The following PATJ variants were observed in gnomAD, a reference collection of about 807,000 sequenced individuals.
PATJ encodes inaD-like protein.
Under a neutral mutation model 224.9 loss-of-function variants are expected in PATJ, and 190 were observed. That is an observed-to-expected ratio of 0.84 (90% CI 0.75 to 0.95). The LOEUF is 0.95. PATJ is among the 40% of genes least tolerant of loss of function. PATJ has a pLI of 0.00. For missense variants in PATJ, 2,121 were observed against 2,270.3 expected, an observed-to-expected ratio of 0.93 and a Z score of 1.34; for synonymous variants, 769 against 820.3, an observed-to-expected ratio of 0.94 and a Z score of 1.07.
chr1:62,116,992 C>T (rs1664508651), intron 36 of PATJ, 140 bp from the exon 37 acceptor site: 1 of 682,376 alleles, frequency 1.5e-6, no homozygotes, highest in Non-Finnish European at 2.4e-6. Flanking sequence ...CCACAGAATT[C>T]ATCCTCCTCT....
chr1:62,037,168 G>A (rs140040250), intron 29 of PATJ, among the ~76,000 whole-genome samples: 46 of 152,214 alleles, frequency 3.0e-4, no homozygotes, highest in African/African-American at 1.1e-3. Flanking sequence ...AGCTTCCTTG[G>A]TTTATATTGT....
chr1:61,830,921 A>G (rs1415545049), intron 16 of PATJ, among the ~76,000 whole-genome samples: 1 of 151,922 alleles, frequency 6.6e-6, no homozygotes, highest in Non-Finnish European at 1.5e-5. Flanking sequence ...GGGCATGGTG[A>G]CTCACGCCTG....
chr1:62,056,904 G>GCAA (rs977957583), intron 31 of PATJ, among the ~76,000 whole-genome samples: 9 of 152,148 alleles, frequency 5.9e-5, no homozygotes, highest in African/African-American at 2.2e-4. Context: ...TCCCTGCTCT[G>GCAA]CAACCTCCAC....
intron 30 of PATJ, among the ~76,000 whole-genome samples, chr1:62,047,888 A>G (rs561109780): frequency 1.3e-4 from 20 of 152,332 alleles, no homozygotes; most frequent in South Asian, 6.2e-4. Context: ...ATCCTAAGAC[A>G]TGTTTTAGAA....
intron 31 of PATJ, among the ~76,000 whole-genome samples, chr1:62,076,838 C>T (rs914286762): frequency 1.3e-5 from 2 of 152,084 alleles, no homozygotes; most frequent in Admixed American, 1.3e-4. Flanking sequence ...CATGTTCTTT[C>T]TTGAGGTGAT....
intron 39 of PATJ, among the ~76,000 whole-genome samples, chr1:62,123,775 C>T (rs1308687869): frequency 8.2e-6 from 1 of 122,538 alleles, no homozygotes; most frequent in African/African-American, 3.4e-5. Flanking sequence ...CCGTGCCCGG[C>T]CAAATGTGCT....
At chr1:61,774,419 A>G (rs1646804588) in intron 6 of PATJ, among the ~76,000 whole-genome samples, 1 of 152,158 alleles carries the variant, frequency 6.6e-6, no homozygotes, top group African/African-American at 2.4e-5. Context: ...GTTAGAGGGG[A>G]AACACTTATG....
At chr1:61,788,084 C>A in intron 8 of PATJ, 112 bp downstream of exon 8, 2 of 714,848 alleles carry the variant, frequency 2.8e-6, no homozygotes, top group Non-Finnish European at 2.1e-6. Context: ...TGTGCGCTCA[C>A]TAGTGAAACA....
chr1:61,809,880 C>G (rs1031892817), intron 14 of PATJ, among the ~76,000 whole-genome samples: 2 of 134,514 alleles, frequency 1.5e-5, no homozygotes, highest in Non-Finnish European at 3.2e-5. Flanking sequence ...GAGTCTTGCT[C>G]TGTCGCCCAG....
At chr1:61,937,991 G>A (rs1677155645) in intron 27 of PATJ, among the ~76,000 whole-genome samples, 1 of 152,032 alleles carries the variant, frequency 6.6e-6, no homozygotes, top group Admixed American at 6.6e-5. Context: ...CTTCTAAACT[G>A]GTGCTTTTCA....
Position 61,773,977 on chromosome 1 carries a change from G to A in PATJ, c.721-1229G>A, listed in dbSNP as rs566097469. Among the ~76,000 whole-genome samples, 13 of 151,620 alleles carry A rather than the reference G, an allele frequency of 8.6e-5. No individual in the cohort carries two copies. In the South Asian group the frequency reaches 1.0e-3, roughly 12 times the overall value. ...CTACTAAAAATACAAAAAATTAGCC[G>A]GGCGTGGTGGCAGGTACCTGTAGTC... is the stretch of plus-strand genomic sequence containing the variant. On this transcript the variant is annotated intron_variant, in intron 6 of 43. Coordinates refer to ENST00000642238, the MANE Select transcript of PATJ (RefSeq NM_001350145.3).
chr1:62,060,648 C>T (rs183051840), intron 31 of PATJ, among the ~76,000 whole-genome samples: 3 of 151,900 alleles, frequency 2.0e-5, no homozygotes, highest in African/African-American at 4.8e-5. Context: ...GAGTGAGGAT[C>T]GTATTAGATA....
At chr1:61,953,306 A>C (rs562581932) in intron 27 of PATJ, among the ~76,000 whole-genome samples, 1 of 152,202 alleles carries the variant, frequency 6.6e-6, no homozygotes, top group Non-Finnish European at 1.5e-5. Flanking sequence ...ATGACATTAT[A>C]GCCTTTCTTT....
chr1:61,995,813 C>T (rs570945650), intron 28 of PATJ, among the ~76,000 whole-genome samples: 7 of 152,218 alleles, frequency 4.6e-5, no homozygotes, highest in South Asian at 2.1e-4. Context: ...CAATTAGTCC[C>T]GGAAAATGCA....
chr1:61,962,063 T>G (rs1681391820), intron 27 of PATJ, among the ~76,000 whole-genome samples: 1 of 152,192 alleles, frequency 6.6e-6, no homozygotes, highest in African/African-American at 2.4e-5. Context: ...ATACCATCTA[T>G]TCTTACTGGG....
intron 17 of PATJ, 29 bp from the exon 18 acceptor site, chr1:61,856,001 C>T: frequency 4.5e-6 from 7 of 1,548,310 alleles, no homozygotes; most frequent in Non-Finnish European, 5.4e-6. Context: ...AGTGCATGGA[C>T]TCATCCTTCT....
At chr1:61,881,923 A>G (rs2149062449) in intron 21 of PATJ, among the ~76,000 whole-genome samples, 1 of 152,334 alleles carries the variant, frequency 6.6e-6, no homozygotes, top group Admixed American at 6.5e-5. Context: ...TAACCATAAC[A>G]TTAGCTGTAG....
In PATJ at chr1:61,797,338, T is replaced by C. The variant is rs536374590; in HGVS notation, c.1312T>C (p.Leu438=). ...GFANHDVVEV[L]RNAGQVVHLT... The stretch of plus-strand genomic sequence containing the variant: ...TGCCAACCATGATGTTGTTGAAGTA[T>C]TACGAAATGCAGGGCAGGTGGTACA... Residue 438 remains leucine (L), a synonymous_variant, in exon 11 of 44, where the codon TTA becomes CTA. Transcript: ENST00000642238. The C allele has an allele frequency of 5.0e-6, 8 of 1,614,038 alleles. No individual in the cohort carries two copies. The African/African-American group carries it at 9.3e-5, about 19-fold the overall frequency.
Position 61,928,303 on chromosome 1 carries a change from A to G in PATJ, c.3670+474A>G, listed in dbSNP as rs531037712. Among the ~76,000 whole-genome samples, 3 of 152,308 alleles carry G rather than the reference A, an allele frequency of 2.0e-5. No individual in the cohort carries two copies. In the South Asian group the frequency reaches 6.2e-4, roughly 32 times the overall value. Reference sequence around the variant, plus strand: ...ATGAATCAAATATGCATTCATACATATATTTAACTGTGGCTTTACCTAAAA... The same window carrying G: ...ATGAATCAAATATGCATTCATACATGTATTTAACTGTGGCTTTACCTAAAA... On this transcript the variant is annotated intron_variant, in intron 27 of 43. Coordinates refer to ENST00000642238, the MANE Select transcript of PATJ (RefSeq NM_001350145.3).
Sources: gnomAD v4.1 joint callset for allele counts (sites outside exome capture counted in the v4.1 genomes callset) on GRCh38, gnomAD v4.1.1 for gene constraint, MANE v1.5 for transcripts, NCBI Gene and HGNC (gene_info 2026-07-23, HGNC 2026-07-21) for gene names.